Variants in PDK1 observed in about 807,000 individuals in gnomAD.
PDK1 encodes [Pyruvate dehydrogenase (acetyl-transferring)] kinase isozyme 1, mitochondrial.
A neutral mutation model predicts 54.2 loss-of-function variants in PDK1; 39 were observed. The observed-to-expected ratio is 0.72, with a 90% CI of 0.56 to 0.94. The LOEUF is 0.94. PDK1 is among the 40% of genes least tolerant of loss of function. The pLI, the probability that PDK1 is intolerant of heterozygous loss-of-function variation, is 0.00. For missense variants in PDK1, 552 were observed against 566.0 expected (o/e 0.98, Z 0.25); for synonymous variants, 221 against 207.1 (o/e 1.07, Z -0.58).
the PDK1 span, among the ~76,000 whole-genome samples, chr2:172,690,434 A>T: frequency 1.0e-4 from 15 of 150,430 alleles, no homozygotes; most frequent in African/African-American, 3.4e-4. Flanking sequence ...ATTGTGGAAG[A>T]CAGTGTGGCG....
chr2:172,578,287 C>A (rs945430307), intron 8 of PDK1, among the ~76,000 whole-genome samples: 3 of 152,174 alleles, frequency 2.0e-5, no homozygotes, highest in Non-Finnish European at 4.4e-5. Context: ...CTCACTGATT[C>A]TTTTCTTTCA....
chr2:172,663,428 T>C, the PDK1 span, among the ~76,000 whole-genome samples: 1 of 152,230 alleles, frequency 6.6e-6, no homozygotes, highest in East Asian at 1.9e-4. Context: ...TGTGGGGTTG[T>C]GGTAAGTTAG....
At chr2:172,666,931 G>A in the PDK1 span, among the ~76,000 whole-genome samples, 23 of 152,084 alleles carry the variant, frequency 1.5e-4, no homozygotes, top group African/African-American at 4.3e-4. Context: ...TATATCCTAC[G>A]CAGACACAGA....
chr2:172,664,183 C>T, the PDK1 span, among the ~76,000 whole-genome samples: 1 of 151,622 alleles, frequency 6.6e-6, no homozygotes, highest in African/African-American at 2.4e-5. Flanking sequence ...TGGTGGCACG[C>T]ACCTGTAATC....
chr2:172,596,709 T>C lies in PDK1; in HGVS notation c.*740T>C, dbSNP rs1479741901. 1.3e-5 allele frequency: 2 copies of C among 152,168 alleles called. No individual in the cohort carries two copies. Among genetic ancestry groups the C allele is most frequent in the Non-Finnish European group, 2.9e-5 (2 of 68,022 alleles). 9.4% of individuals were successfully genotyped at this position (152,168 alleles called of 1,614,324 possible). ...AATAGAGAAGAAATTGAGGGCAAAG[T>C]AATATGTCTCCAAAACTGAACTGAT... On this transcript the variant is annotated 3_prime_UTR_variant, in exon 11 of 11. Coordinates refer to ENST00000282077, the MANE Select transcript of PDK1 (RefSeq NM_002610.5).
the PDK1 span, among the ~76,000 whole-genome samples, chr2:172,634,145 T>A: frequency 1.3e-5 from 2 of 151,492 alleles, 1 homozygote; most frequent in South Asian, 4.1e-4. Flanking sequence ...CCCAAAGTGC[T>A]GGGATTACAG....
At chr2:172,641,065 GTC>G in the PDK1 span, among the ~76,000 whole-genome samples, 510 of 114,934 alleles carry the variant, frequency 4.4e-3, 6 homozygotes, top group Middle Eastern at 9.8e-3. Flanking sequence ...TTCTTTCCTT[GTC>G]TCTCTCTCTC....
chr2:172,575,846 A>G (rs1489806388), intron 8 of PDK1, among the ~76,000 whole-genome samples: 2 of 152,180 alleles, frequency 1.3e-5, no homozygotes, highest in African/African-American at 4.8e-5. Context: ...TTAAATAAAT[A>G]AATATAAACA....
chr2:172,670,909 A>C, the PDK1 span, among the ~76,000 whole-genome samples: 10 of 152,180 alleles, frequency 6.6e-5, no homozygotes, highest in Non-Finnish European at 1.5e-5. Context: ...TCTGTCATCC[A>C]ATTGGATGAA....
the PDK1 span, among the ~76,000 whole-genome samples, chr2:172,644,203 C>T: frequency 6.6e-6 from 1 of 152,196 alleles, no homozygotes; most frequent in African/African-American, 2.4e-5. Flanking sequence ...GGGAGAGAGA[C>T]TTTAAAAATG....
At chr2:172,633,850 G>A in the PDK1 span, among the ~76,000 whole-genome samples, 1 of 131,642 alleles carries the variant, frequency 7.6e-6, no homozygotes, top group Non-Finnish European at 1.6e-5. Context: ...TTGCCTGTAT[G>A]ACATCTTTAG....
chr2:172,693,892 C>G, the PDK1 span, among the ~76,000 whole-genome samples: 48 of 152,282 alleles, frequency 3.2e-4, no homozygotes, highest in Non-Finnish European at 5.6e-4. Context: ...GGCTGCTCTC[C>G]CCTCCTGGCT....
At chr2:172,658,450 A>G in the PDK1 span, among the ~76,000 whole-genome samples, 1 of 152,172 alleles carries the variant, frequency 6.6e-6, no homozygotes, top group Non-Finnish European at 1.5e-5. Flanking sequence ...ATTGTAAAAC[A>G]TGTGTGTTTG....
intron 8 of PDK1, among the ~76,000 whole-genome samples, chr2:172,573,033 A>G (rs558646643): frequency 2.0e-5 from 3 of 152,286 alleles, no homozygotes; most frequent in South Asian, 2.1e-4. Flanking sequence ...TTTTTTGGTT[A>G]TTATAAATAA....
At chr2:172,628,676 A>G in the PDK1 span, among the ~76,000 whole-genome samples, 3 of 152,142 alleles carry the variant, frequency 2.0e-5, no homozygotes, top group Non-Finnish European at 4.4e-5. Flanking sequence ...TTCTCACCTA[A>G]TACTAGATTT....
the PDK1 span, among the ~76,000 whole-genome samples, chr2:172,643,477 A>C: frequency 6.6e-6 from 1 of 152,136 alleles, no homozygotes; most frequent in African/African-American, 2.4e-5. Context: ...TTTAGCCTCA[A>C]GGCATCTCTT....
At chr2:172,571,913 C>T (rs111983745) in intron 8 of PDK1, among the ~76,000 whole-genome samples, 3 of 144,004 alleles carry the variant, frequency 2.1e-5, no homozygotes, top group African/African-American at 5.2e-5. Context: ...CCCACTGCAA[C>T]CTCTGCCTCC....
At chr2:172,673,695 G>C in the PDK1 span, among the ~76,000 whole-genome samples, 1 of 152,226 alleles carries the variant, frequency 6.6e-6, no homozygotes, top group East Asian at 1.9e-4. Context: ...AACTTAACAT[G>C]TTTGTTCAGA....
Position 172,607,852 on chromosome 2 carries a change from G to A in PDK1, c.*11883G>A, listed in dbSNP as rs1691347158. The A allele has an allele frequency of 6.6e-6, 1 of 152,222 alleles. No individual in the cohort carries two copies. Among genetic ancestry groups the A allele is most frequent in the African/African-American group, 2.4e-5 (1 of 41,448 alleles). 9.4% of individuals were successfully genotyped at this position (152,222 alleles called of 1,614,324 possible). ...TCTGGAACCTACAGTTTCCAGTTCA[G>A]AGCAGTACACCATACTCAGTGTATA... On this transcript the variant is annotated 3_prime_UTR_variant, in exon 11 of 11. Coordinates refer to ENST00000282077, the MANE Select transcript of PDK1 (RefSeq NM_002610.5).
Sources: gnomAD v4.1 joint callset for allele counts (sites outside exome capture counted in the v4.1 genomes callset) on GRCh38, gnomAD v4.1.1 for gene constraint, MANE v1.5 for transcripts, NCBI Gene and HGNC (gene_info 2026-07-23, HGNC 2026-07-21) for gene names.